Variants in MSH3 observed in about 807,000 individuals in gnomAD.
MSH3 encodes the protein mutS homolog 3.
Under a neutral mutation model 123.3 loss-of-function variants are expected in MSH3, and 106 were observed. The observed-to-expected ratio is 0.86, with a 90% CI of 0.73 to 1.01. The LOEUF (loss-of-function observed/expected upper bound fraction) is 1.01, where lower values mean the gene tolerates loss of function less well. MSH3 is among the 50% of genes least tolerant of loss of function. MSH3 has a pLI of 0.00. For missense variants in MSH3, 1,459 were observed against 1,347.6 expected, an observed-to-expected ratio of 1.08 and a Z score of -1.29; for synonymous variants, 515 against 481.4, an observed-to-expected ratio of 1.07 and a Z score of -0.91.
chr5:80,772,286 G>T, intron 15 of MSH3, among the ~76,000 whole-genome samples: 1 of 152,246 alleles, frequency 6.6e-6, no homozygotes, highest in South Asian at 2.1e-4. Flanking sequence ...AAAATAATCT[G>T]TTACATCTGA....
At chr5:80,718,002 T>G (rs1353095342) in intron 8 of MSH3, among the ~76,000 whole-genome samples, 4 of 152,204 alleles carry the variant, frequency 2.6e-5, no homozygotes, top group African/African-American at 9.7e-5. Flanking sequence ...ATTGGAATCA[T>G]TTGTGTTTTA....
At chr5:80,736,704 A>G (rs941237886) in intron 10 of MSH3, among the ~76,000 whole-genome samples, 1 of 152,146 alleles carries the variant, frequency 6.6e-6, no homozygotes, top group Non-Finnish European at 1.5e-5. Context: ...GATGGTGCCT[A>G]TGGGACCAGT....
At chr5:80,680,260 C>CAA (rs928920459) in intron 8 of MSH3, among the ~76,000 whole-genome samples, 2 of 132,066 alleles carry the variant, frequency 1.5e-5, no homozygotes, top group Non-Finnish European at 3.3e-5. Flanking sequence ...ACTCTTATCT[C>CAA]AAAAAAAAAA....
At chr5:80,844,517 T>C (rs1745683347) in intron 20 of MSH3, among the ~76,000 whole-genome samples, 1 of 152,182 alleles carries the variant, frequency 6.6e-6, no homozygotes, top group Admixed American at 6.5e-5. Context: ...TCTCCCATTA[T>C]TATTGTGTGG....
chr5:80,804,131 C>T (rs568988824), intron 19 of MSH3, among the ~76,000 whole-genome samples: 128 of 152,328 alleles, frequency 8.4e-4, no homozygotes, highest in African/African-American at 3.0e-3. Context: ...ATTGAATCTA[C>T]AGATTGCTTT....
intron 8 of MSH3, among the ~76,000 whole-genome samples, chr5:80,697,994 AC>A (rs545284460): frequency 1.3e-5 from 2 of 151,728 alleles, no homozygotes; most frequent in Non-Finnish European, 2.9e-5. Flanking sequence ...TGTAGCCTTG[AC>A]CCCCCAGGCT....
In MSH3 at chr5:80,731,064, A is replaced by C. The variant is rs190060702; in HGVS notation, c.1568+2099A>C. Among the ~76,000 whole-genome samples, 701 of 151,442 alleles carry C rather than the reference A, an allele frequency of 4.6e-3. 5 individuals carry two copies. Among genetic ancestry groups the C allele is most frequent in the African/African-American group, 0.016 (675 of 41,278 alleles). ...ATTACAGGTGCACGCCACCGCGCCCAGCTAATTTTTTGTATTTTTAGTAGA... is the reference window on the plus strand; with the variant it reads ...ATTACAGGTGCACGCCACCGCGCCCCGCTAATTTTTTGTATTTTTAGTAGA... On this transcript the variant is annotated intron_variant, in intron 10 of 23. Coordinates refer to ENST00000265081, the MANE Select transcript of MSH3 (RefSeq NM_002439.5).
intron 1 of MSH3, chr5:80,655,203 C>A (rs956009540): frequency 2.6e-6 from 1 of 381,324 alleles, no homozygotes; most frequent in African/African-American, 2.1e-5. Flanking sequence ...AATGGCAGGC[C>A]TGAGACAGGA....
intron 12 of MSH3, among the ~76,000 whole-genome samples, chr5:80,753,700 C>G (rs944640686): frequency 6.6e-6 from 1 of 151,634 alleles, no homozygotes; most frequent in African/African-American, 2.4e-5. Context: ...TTTTTCTTTG[C>G]ATAAACAATC....
rs1448075137 is a variant in MSH3, at chr5:80,675,146, G to A, written c.1173+18G>A. On this transcript the variant is annotated intron_variant, in intron 7 of 23. Coordinates refer to ENST00000265081, the MANE Select transcript of MSH3 (RefSeq NM_002439.5). ...GCATTGTGGTAAGTACTTTGCAGGT[G>A]AGGAACAAATGTTAGATGTTCATGG... 2.5e-6 allele frequency: 4 copies of A among 1,613,286 alleles called. No individual in the cohort carries two copies. Among genetic ancestry groups the A allele is most frequent in the East Asian group, 4.5e-5 (2 of 44,764 alleles).
At chr5:80,771,501 G>A (rs1561472742) in intron 15 of MSH3, among the ~76,000 whole-genome samples, 1 of 150,932 alleles carries the variant, frequency 6.6e-6, no homozygotes, top group Non-Finnish European at 1.5e-5. Context: ...AAGGACTAAT[G>A]CTATTCTCAA....
At chr5:80,860,547 T>C (rs1745998375) in intron 21 of MSH3, among the ~76,000 whole-genome samples, 1 of 151,930 alleles carries the variant, frequency 6.6e-6, no homozygotes, top group Admixed American at 6.5e-5. Context: ...TTTGAGCTTG[T>C]GTGGATAAGG....
At chr5:80,678,214 T>C (rs1431574634) in intron 7 of MSH3, among the ~76,000 whole-genome samples, 1 of 152,340 alleles carries the variant, frequency 6.6e-6, no homozygotes, top group African/African-American at 2.4e-5. Flanking sequence ...TCAGATTTCC[T>C]GGGTTTGAAT....
At chr5:80,725,133 G>A (rs1743256764) in intron 8 of MSH3, among the ~76,000 whole-genome samples, 1 of 147,724 alleles carries the variant, frequency 6.8e-6, no homozygotes, top group Non-Finnish European at 1.5e-5. Context: ...AGAATGATGT[G>A]AACCCAGGAG....
chr5:80,848,560 A>G (rs56103733), intron 20 of MSH3, among the ~76,000 whole-genome samples: 17,863 of 152,238 alleles, frequency 0.12, 1,184 homozygotes, highest in African/African-American at 0.18. Flanking sequence ...AGGCCTCACA[A>G]TCATGGCAGA....
Position 80,871,416 on chromosome 5 carries a change from G to A in MSH3, c.3131-1700G>A, listed in dbSNP as rs1227740310. 5.3e-5 allele frequency among the ~76,000 whole-genome samples: 8 copies of A among 152,350 alleles called. No individual in the cohort carries two copies. In the South Asian group the frequency reaches 1.4e-3, roughly 28 times the overall value. On this transcript the variant is annotated intron_variant, in intron 22 of 23. Transcript: ENST00000265081. ...AACTTAGCTGAACACCTCTAAGGCT[G>A]AAAACTGTAGCCCTGTAAGAGACCC... is the stretch of plus-strand genomic sequence containing the variant.
intron 2 of MSH3, among the ~76,000 whole-genome samples, chr5:80,664,428 C>T (rs1749517191): frequency 6.6e-6 from 1 of 152,096 alleles, no homozygotes; most frequent in Non-Finnish European, 1.5e-5. Flanking sequence ...AGTGCTCTGG[C>T]TTCCTGGGTT....
intron 5 of MSH3, 93 bp from the exon 6 acceptor site, chr5:80,672,648 A>C (rs1239842779): frequency 5.8e-6 from 6 of 1,030,048 alleles, no homozygotes; most frequent in Non-Finnish European, 9.2e-6. Flanking sequence ...GATTATTTTA[A>C]CCATTTCAGA....
chr5:80,756,186 A>G (rs1480299132), intron 12 of MSH3, among the ~76,000 whole-genome samples: 2 of 152,200 alleles, frequency 1.3e-5, no homozygotes, highest in African/African-American at 2.4e-5. Flanking sequence ...CACAAAAACT[A>G]TTGAAATTAA....
Sources: gnomAD v4.1 joint callset for allele counts (sites outside exome capture counted in the v4.1 genomes callset) on GRCh38, gnomAD v4.1.1 for gene constraint, MANE v1.5 for transcripts, NCBI Gene and HGNC (gene_info 2026-07-23, HGNC 2026-07-21) for gene names.